Variants in XKR9 observed in about 807,000 individuals in gnomAD.
The protein encoded by XKR9 is XK-related protein 9.
Under a neutral mutation model 32.0 loss-of-function variants are expected in XKR9, and 32 were observed. The observed-to-expected ratio is 1.00, with a 90% CI of 0.76 to 1.34. The LOEUF (loss-of-function observed/expected upper bound fraction) is 1.34, where lower values mean the gene tolerates loss of function less well. XKR9 is among the 40% of genes most tolerant of loss of function. The pLI is 0.00. For synonymous variants in XKR9, 168 were observed against 143.4 expected, an observed-to-expected ratio of 1.17 and a Z score of -1.22; for missense variants, 546 against 429.7, an observed-to-expected ratio of 1.27 and a Z score of -2.39.
At chr8:70,998,700 C>T in the XKR9 span, among the ~76,000 whole-genome samples, 1 of 152,188 alleles carries the variant, frequency 6.6e-6, no homozygotes, top group Admixed American at 6.5e-5. Context: ...AGTGATTGTG[C>T]TTCCTTTAGT....
At chr8:70,901,657 T>C in the XKR9 span, among the ~76,000 whole-genome samples, 1 of 152,218 alleles carries the variant, frequency 6.6e-6, no homozygotes, top group Non-Finnish European at 1.5e-5. Flanking sequence ...AGAAGCTCTT[T>C]AGTTTAATTA....
At chr8:70,848,128 T>C in the XKR9 span, among the ~76,000 whole-genome samples, 1 of 152,184 alleles carries the variant, frequency 6.6e-6, no homozygotes, top group East Asian at 1.9e-4. Flanking sequence ...CATGATCAAG[T>C]GGGATTCATC....
intron 3 of XKR9, among the ~76,000 whole-genome samples, chr8:70,690,342 T>C (rs1819467622): frequency 1.3e-5 from 2 of 152,132 alleles, no homozygotes; most frequent in African/African-American, 4.8e-5. Context: ...CTCCCACTTG[T>C]TTTTTGGAGA....
At chr8:70,698,989 C>T (rs1036434179) in intron 3 of XKR9, among the ~76,000 whole-genome samples, 21 of 152,218 alleles carry the variant, frequency 1.4e-4, no homozygotes, top group African/African-American at 3.1e-4. Flanking sequence ...TCTCTTTTAT[C>T]AGAGACTAGG....
chr8:70,784,101 A>G (rs922228919), intron 2 of XKR9, among the ~76,000 whole-genome samples: 1 of 152,110 alleles, frequency 6.6e-6, no homozygotes, highest in African/African-American at 2.4e-5. Flanking sequence ...TTTGATTACT[A>G]TGGCTTTGTA....
At chr8:70,858,837 A>C in the XKR9 span, among the ~76,000 whole-genome samples, 2 of 152,138 alleles carry the variant, frequency 1.3e-5, no homozygotes, top group African/African-American at 2.4e-5. Flanking sequence ...CCTATTCCTC[A>C]CCATAACAAA....
chr8:70,763,410 C>G (rs1807333571), intron 2 of XKR9, among the ~76,000 whole-genome samples: 1 of 152,144 alleles, frequency 6.6e-6, no homozygotes, highest in South Asian at 2.1e-4. Flanking sequence ...AGTTGATGTT[C>G]TGCTGCTTTT....
the XKR9 span, among the ~76,000 whole-genome samples, chr8:70,941,076 T>C: frequency 6.6e-6 from 1 of 152,048 alleles, no homozygotes; most frequent in African/African-American, 2.4e-5. Flanking sequence ...CACCATCTAG[T>C]TCCAAAACGA....
At chr8:70,904,982 A>C in the XKR9 span, among the ~76,000 whole-genome samples, 1 of 152,364 alleles carries the variant, frequency 6.6e-6, no homozygotes, top group Non-Finnish European at 1.5e-5. Flanking sequence ...GTTTCTGCTG[A>C]GAGATCAGCT....
At chr8:71,022,622 C>T in the XKR9 span, among the ~76,000 whole-genome samples, 1 of 152,290 alleles carries the variant, frequency 6.6e-6, no homozygotes, top group East Asian at 1.9e-4. Context: ...TGTATCTATG[C>T]AGGGATCTCC....
At chr8:70,904,994 T>C in the XKR9 span, among the ~76,000 whole-genome samples, 158 of 152,344 alleles carry the variant, frequency 1.0e-3, 1 homozygote, top group Middle Eastern at 6.8e-3. Flanking sequence ...AGATCAGCTG[T>C]TAGTCTGATG....
chr8:70,714,254 A>G (rs1806015715), intron 4 of XKR9, among the ~76,000 whole-genome samples: 1 of 152,128 alleles, frequency 6.6e-6, no homozygotes, highest in Non-Finnish European at 1.5e-5. Flanking sequence ...TAGGGCTTCA[A>G]TGTATGAATT....
the XKR9 span, among the ~76,000 whole-genome samples, chr8:70,910,095 GAAA>G: frequency 2.9e-5 from 4 of 140,350 alleles, no homozygotes; most frequent in African/African-American, 1.0e-4. Context: ...ACCCTGTGGG[GAAA>G]AAAAAAAAAA....
chr8:70,757,402 G>T (rs1395267847), intron 2 of XKR9, among the ~76,000 whole-genome samples: 2 of 151,786 alleles, frequency 1.3e-5, no homozygotes, highest in African/African-American at 4.8e-5. Flanking sequence ...ACATCCTGTT[G>T]AGACCTTCTA....
At chr8:70,676,127 G>A (rs1479816189) in intron 2 of XKR9, among the ~76,000 whole-genome samples, 1 of 152,070 alleles carries the variant, frequency 6.6e-6, no homozygotes, top group Non-Finnish European at 1.5e-5. Context: ...TTACAATCAT[G>A]GCAGAAGGTG....
chr8:70,939,374 A>G, the XKR9 span, among the ~76,000 whole-genome samples: 1 of 152,106 alleles, frequency 6.6e-6, no homozygotes, highest in African/African-American at 2.4e-5. Context: ...TGTTTTGTAC[A>G]TGAGTAGCAA....
At chr8:70,990,677 T>C in the XKR9 span, among the ~76,000 whole-genome samples, 1 of 150,170 alleles carries the variant, frequency 6.7e-6, no homozygotes. Context: ...CAGAAAGTGA[T>C]AATAGCCAAG....
At chr8:70,791,612 C>T (rs976975546), downstream of XKR9, among the ~76,000 whole-genome samples, 2 of 151,902 alleles carry the variant, frequency 1.3e-5, no homozygotes, top group Admixed American at 6.6e-5. Context: ...TTCTCTTTCC[C>T]CCACCACTCT....
chr8:70,704,496 A>G (rs139453797), intron 3 of XKR9, among the ~76,000 whole-genome samples: 5 of 152,264 alleles, frequency 3.3e-5, no homozygotes, highest in East Asian at 3.9e-4. Context: ...CATCAACCCA[A>G]TGAGGGAGGT....
Sources: gnomAD v4.1 joint callset for allele counts (sites outside exome capture counted in the v4.1 genomes callset) on GRCh38, gnomAD v4.1.1 for gene constraint, MANE v1.5 for transcripts, NCBI Gene and HGNC (gene_info 2026-07-23, HGNC 2026-07-21) for gene names.